MERTK: variants seen among roughly 807,000 people sequenced by gnomAD.
MERTK encodes the protein MER proto-oncogene, tyrosine kinase.
In MERTK, 69 loss-of-function variants were observed where a neutral mutation model predicts 99.3. That is an observed-to-expected ratio of 0.70 (90% CI 0.57 to 0.85). The LOEUF (loss-of-function observed/expected upper bound fraction) is 0.85. MERTK is among the 40% of genes least tolerant of loss of function. MERTK has a pLI of 0.00. For synonymous variants in MERTK, 426 were observed against 467.6 expected, an observed-to-expected ratio of 0.91 and a Z score of 1.15; for missense variants, 1,125 against 1,249.4, an observed-to-expected ratio of 0.90 and a Z score of 1.50.
At chr2:111,976,041 C>A (rs1244102476) in intron 7 of MERTK, among the ~76,000 whole-genome samples, 1 of 150,486 alleles carries the variant, frequency 6.6e-6, no homozygotes, top group Non-Finnish European at 1.5e-5. Flanking sequence ...AGCTTTGTGT[C>A]CAATTAATTT....
chr2:111,996,898 C>T, intron 9 of MERTK: 1 of 251,260 alleles, frequency 4.0e-6, no homozygotes, highest in South Asian at 4.6e-5. Flanking sequence ...TACTCTCGAT[C>T]GTTTTTTTAC....
At chr2:112,022,122 G>A in intron 17 of MERTK, 136 bp from the exon 18 acceptor site, 5 of 1,170,732 alleles carry the variant, frequency 4.3e-6, no homozygotes, top group Non-Finnish European at 5.0e-6. Flanking sequence ...CGTTGGGAGA[G>A]CAGTGCGTCT....
chr2:112,029,253 A>G lies in MERTK; in HGVS notation c.*389A>G. Reference sequence around the variant, plus strand: ...AAATATTTGTAAAATGAAATGCCATATTTGACTTGGCTTCTGGTCTTGATG... The same window carrying G: ...AAATATTTGTAAAATGAAATGCCATGTTTGACTTGGCTTCTGGTCTTGATG... On this transcript the variant is annotated 3_prime_UTR_variant, in exon 19 of 19. Transcript: ENST00000295408. 1.0e-6 allele frequency: 1 copy of G among 985,656 alleles called. No individual in the cohort carries two copies. The highest frequency in any genetic ancestry group is 1.2e-6 in the Non-Finnish European group (1 of 824,172). 61.1% of individuals were successfully genotyped at this position (985,656 alleles called of 1,614,324 possible).
rs1573568915 is a variant in MERTK at position 111,917,695 on chromosome 2, G to T, written c.62-11425G>T. ...AGGTCAAGAGATGGAGACCATCCTG[G>T]CCAACATGGTGAAACCCCGTCTCTA... is the stretch of plus-strand genomic sequence containing the variant. On this transcript the variant is annotated intron_variant, in intron 1 of 18. Transcript: ENST00000295408. 2.0e-5 allele frequency among the ~76,000 whole-genome samples: 3 copies of T among 152,162 alleles called. No homozygotes were observed. In the East Asian group the frequency reaches 5.8e-4, roughly 30 times the overall value.
At position 111,994,737 on chromosome 2, in the gene MERTK, C is replaced by G. The variant is rs368212607; in HGVS notation, c.1450+333C>G. 30 of 371,206 alleles carry G rather than the reference C, an allele frequency of 8.1e-5. 1 individual carries two copies. The highest frequency in any genetic ancestry group is 7.6e-4 in the Middle Eastern group (1 of 1,308). The allele number at this position is 371,206 out of a possible 1,614,324, so 23.0% of individuals were successfully genotyped here. On this transcript the variant is annotated intron_variant, in intron 9 of 18. Transcript: ENST00000295408. ...GAGATTGCAGTGAGTTATGATCACA[C>G]CACTGTACTCTAGCTAGGTAACAGA...
rs1683970271 is a variant in MERTK at position 111,898,644 on chromosome 2, C to T, written c.-92C>T. On this transcript the variant is annotated 5_prime_UTR_variant, in exon 1 of 19. Coordinates refer to ENST00000295408, the MANE Select transcript of MERTK (RefSeq NM_006343.3). Reference sequence around the variant, plus strand: ...CTGCCCGGGCCGCCCGGACAGGGAGCTTCGCTGGCGCGCTTGGCCGGCGAC... The same window carrying T: ...CTGCCCGGGCCGCCCGGACAGGGAGTTTCGCTGGCGCGCTTGGCCGGCGAC... 1.6e-5 allele frequency: 23 copies of T among 1,479,076 alleles called. No homozygotes were observed. The South Asian group carries it at 2.8e-4, about 18-fold the overall frequency. 91.6% of individuals were successfully genotyped at this position (1,479,076 alleles called of 1,614,324 possible).
At chr2:111,922,852 T>G (rs1406809181) in intron 1 of MERTK, among the ~76,000 whole-genome samples, 1 of 152,248 alleles carries the variant, frequency 6.6e-6, no homozygotes, top group African/African-American at 2.4e-5. Context: ...ATTTGACAAG[T>G]GCTCAGCAAG....
rs188283124 is a variant in MERTK at position 111,909,120 on chromosome 2, T to C, written c.61+10324T>C. Among the ~76,000 whole-genome samples the C allele has an allele frequency of 1.8e-4, 28 of 152,060 alleles. 1 individual carries two copies. In the East Asian group the frequency reaches 5.2e-3, roughly 28 times the overall value. ...ATGGCTATGTCAAAAAGGCAAAAAA[T>C]AACAAATGCTGGCAAAGGTGCAGAG... On this transcript the variant is annotated intron_variant, in intron 1 of 18. Transcript: ENST00000295408.
intron 10 of MERTK, among the ~76,000 whole-genome samples, chr2:111,999,999 A>G (rs2104404109): frequency 6.6e-6 from 1 of 152,286 alleles, no homozygotes; most frequent in African/African-American, 2.4e-5. Context: ...CATACAAAGT[A>G]CATTCGCAAG....
At chr2:111,973,469 C>T (rs999302058) in intron 6 of MERTK, among the ~76,000 whole-genome samples, 1 of 152,054 alleles carries the variant, frequency 6.6e-6, no homozygotes, top group Non-Finnish European at 1.5e-5. Flanking sequence ...ACCCCCACAC[C>T]GTACTCCTGG....
In MERTK at chr2:112,008,457, A is replaced by C. The variant is rs762802342; in HGVS notation, c.1942A>C (p.Asn648His). 6 of 1,613,888 alleles carry C rather than the reference A, an allele frequency of 3.7e-6. No homozygotes were observed. Among genetic ancestry groups the C allele is most frequent in the East Asian group, 4.5e-5 (2 of 44,896 alleles). ...AACMKDFSHPNVIRLLGVCIE... is the reference protein window; with the variant it reads ...AACMKDFSHPHVIRLLGVCIE... The stretch of plus-strand genomic sequence containing the variant: ...GTGCATGAAAGACTTCAGCCACCCA[A>C]ATGTCATTCGACTTCTAGGTACTTC... Residue 648 changes from asparagine (N) to histidine (H), a missense_variant, in exon 14 of 19, where the codon AAT becomes CAT. Asn to His is a moderately conservative substitution (Grantham distance 68). Transcript: ENST00000295408.
intron 15 of MERTK, among the ~76,000 whole-genome samples, chr2:112,017,734 A>G (rs1189528729): frequency 6.6e-6 from 1 of 152,180 alleles, no homozygotes; most frequent in African/African-American, 2.4e-5. Flanking sequence ...CAGAATGAGC[A>G]AAGACCAAAT....
chr2:111,996,588 CTG>C (rs781002995), intron 9 of MERTK: 25 of 155,656 alleles, frequency 1.6e-4, no homozygotes, highest in Admixed American at 1.4e-3. Context: ...GAATGCAAGA[CTG>C]TGGGAAGTTG....
intron 4 of MERTK, among the ~76,000 whole-genome samples, chr2:111,958,977 AT>A (rs1312936562): frequency 1.3e-5 from 2 of 152,006 alleles, no homozygotes; most frequent in African/African-American, 4.8e-5. Context: ...CAAATGACTA[AT>A]TTTAAACTGC....
At chr2:111,926,685 C>CCACTG (rs1328637303) in intron 1 of MERTK, among the ~76,000 whole-genome samples, 2 of 152,180 alleles carry the variant, frequency 1.3e-5, no homozygotes, top group East Asian at 3.9e-4. Context: ...TGAGATTGCG[C>CCACTG]CACTGCACTC....
intron 11 of MERTK, 69 bp from the exon 12 acceptor site, chr2:112,003,023 C>A (rs1676901159): frequency 2.6e-6 from 2 of 777,356 alleles, no homozygotes; most frequent in African/African-American, 3.4e-5. Context: ...GACTTTATTT[C>A]ATTTTAATTA....
intron 8 of MERTK, among the ~76,000 whole-genome samples, chr2:111,988,134 A>G (rs1381807250): frequency 2.6e-5 from 4 of 152,046 alleles, no homozygotes; most frequent in Non-Finnish European, 5.9e-5. Context: ...ACTTGGCCCA[A>G]GACCTCGGCC....
chr2:111,944,157 G>A (rs1255754856), intron 2 of MERTK, among the ~76,000 whole-genome samples: 1 of 151,874 alleles, frequency 6.6e-6, no homozygotes, highest in South Asian at 2.1e-4. Context: ...AAAATTAATC[G>A]GGCATGGTGG....
rs1201428790 is a variant in MERTK, at chr2:112,021,208, C to CA, written c.2190-204dup. 4.2e-3 allele frequency among the ~76,000 whole-genome samples: 634 copies of CA among 149,196 alleles called. 5 individuals are homozygous for CA. The highest frequency in any genetic ancestry group is 0.015 in the African/African-American group (599 of 40,750). ...GGGTGAGACTCTATCTCAAAAGTCT[C>CA]AAAAAAAAAATTGCATCACTTGCTC... On this transcript the variant is annotated intron_variant, in intron 16 of 18. Transcript: ENST00000295408.
Sources: gnomAD v4.1 joint callset for allele counts (sites outside exome capture counted in the v4.1 genomes callset) on GRCh38, gnomAD v4.1.1 for gene constraint, MANE v1.5 for transcripts, NCBI Gene and HGNC (gene_info 2026-07-23, HGNC 2026-07-21) for gene names.